The following PRDM16 variants were observed in gnomAD, a reference collection of about 807,000 sequenced individuals.
The protein encoded by PRDM16 is PR/SET domain 16.
Under a neutral mutation model 110.6 loss-of-function variants are expected in PRDM16, and 23 were observed. The ratio of observed to expected loss-of-function variants is 0.21; its 90% CI spans 0.15 to 0.29. The LOEUF (loss-of-function observed/expected upper bound fraction) is 0.29, where lower values mean the gene tolerates loss of function less well. Ranked by LOEUF, PRDM16 falls within the 10% of genes least tolerant of loss-of-function variation. PRDM16 has a pLI of 1.00. For missense variants in PRDM16, 1,615 were observed against 1,794.3 expected (o/e 0.90, Z 1.81); for synonymous variants, 799 against 781.8 (o/e 1.02, Z -0.37).
rs12076855 is a variant in PRDM16, at chr1:3,353,146, A to C, written c.439-32006A>C. ...CCCCAGCCCAGACTCCCACGCAGGGACGTCCCTCACAGCAGGATTTGCTGC... is the reference window on the plus strand; with the variant it reads ...CCCCAGCCCAGACTCCCACGCAGGGCCGTCCCTCACAGCAGGATTTGCTGC... On this transcript the variant is annotated intron_variant, in intron 3 of 16. Coordinates refer to ENST00000270722, the MANE Select transcript of PRDM16 (RefSeq NM_022114.4). The surrounding 1 kb of genome is among the most constrained non-coding windows in gnomAD (Gnocchi z 5.4). Among the ~76,000 whole-genome samples, 18,630 of 152,254 alleles carry C rather than the reference A, an allele frequency of 0.12. 2,842 individuals are homozygous for C. Among genetic ancestry groups the C allele is most frequent in the African/African-American group, 0.36 (14,989 of 41,526 alleles).
intron 4 of PRDM16, among the ~76,000 whole-genome samples, chr1:3,389,671 G>A (rs747457171): frequency 6.6e-6 from 1 of 152,230 alleles, no homozygotes; most frequent in African/African-American, 2.4e-5. Context: ...CCCAGATCAC[G>A]GCCAAGGGCA....
chr1:3,269,736 G>A (rs1640388834), intron 3 of PRDM16, among the ~76,000 whole-genome samples: 2 of 151,128 alleles, frequency 1.3e-5, no homozygotes. Flanking sequence ...ACAGTTGGGA[G>A]GACAGTCAGG....
At position 3,387,459 on chromosome 1, in the gene PRDM16, G is replaced by A. The variant is rs559803155; in HGVS notation, c.573+2173G>A. On this transcript the variant is annotated intron_variant, in intron 4 of 16. Coordinates refer to ENST00000270722, the MANE Select transcript of PRDM16 (RefSeq NM_022114.4). ...AAAGCAGAGAGAAATTCCTCCACTCGGGGCACTTCCGACCCCCTCAACCCC... is the reference window on the plus strand; with the variant it reads ...AAAGCAGAGAGAAATTCCTCCACTCAGGGCACTTCCGACCCCCTCAACCCC... Among the ~76,000 whole-genome samples, 11 of 152,306 alleles carry A rather than the reference G, an allele frequency of 7.2e-5. No homozygotes were observed. In the East Asian group the frequency reaches 1.5e-3, roughly 21 times the overall value.
chr1:3,355,239 G>T (rs760366566), intron 3 of PRDM16, among the ~76,000 whole-genome samples: 2 of 152,176 alleles, frequency 1.3e-5, no homozygotes, highest in African/African-American at 2.4e-5. Context: ...CTGGCAGGAG[G>T]GGGAGGGAGA....
chr1:3,338,674 C>G (rs574490399), intron 3 of PRDM16, among the ~76,000 whole-genome samples: 23 of 152,314 alleles, frequency 1.5e-4, no homozygotes, highest in Non-Finnish European at 2.6e-4. Flanking sequence ...ATGAGGGCTG[C>G]TTGGCTGGCT....
Position 3,265,412 on chromosome 1 carries a change from T to C in PRDM16, c.438+21275T>C, listed in dbSNP as rs1640263668. 6.6e-6 allele frequency among the ~76,000 whole-genome samples: 1 copy of C among 151,558 alleles called. No homozygotes were observed. Among genetic ancestry groups the C allele is most frequent in the Non-Finnish European group, 1.5e-5 (1 of 67,854 alleles). ...CCTGAGACTGATGATGTGAAGGGCC[T>C]AGTAGGGGCTGAGGTCCTGTCCCAG... On this transcript the variant is annotated intron_variant, in intron 3 of 16. Transcript: ENST00000270722. This position sits in a 1 kb window ranked among gnomAD's most constrained non-coding sequence, Gnocchi z 4.5.
At chr1:3,414,464 G>A in intron 9 of PRDM16, 96 bp from the exon 10 acceptor site, 1 of 861,508 alleles carries the variant, frequency 1.2e-6, no homozygotes. Flanking sequence ...GACTGGCCAG[G>A]TATATGGTCA....
At chr1:3,219,551 A>G (rs1364672280) in intron 2 of PRDM16, among the ~76,000 whole-genome samples, 3 of 152,156 alleles carry the variant, frequency 2.0e-5, no homozygotes, top group Non-Finnish European at 4.4e-5. Flanking sequence ...GGGAACAGAG[A>G]GAGTCAGAAG....
chr1:3,232,371 G>A (rs964123455), intron 2 of PRDM16, among the ~76,000 whole-genome samples: 2 of 152,230 alleles, frequency 1.3e-5, no homozygotes, highest in Non-Finnish European at 1.5e-5. Context: ...ATTCTCAGGT[G>A]TAAATGGGGA....
At position 3,200,622 on chromosome 1, in the gene PRDM16, G is replaced by A. The variant is rs529798093; in HGVS notation, c.387+14148G>A. Among the ~76,000 whole-genome samples, 323 of 152,334 alleles carry A rather than the reference G, an allele frequency of 2.1e-3. 1 individual carries two copies. Among genetic ancestry groups the A allele is most frequent in the Middle Eastern group, 0.01 (3 of 294 alleles). On this transcript the variant is annotated intron_variant, in intron 2 of 16. Coordinates refer to ENST00000270722, the MANE Select transcript of PRDM16 (RefSeq NM_022114.4). ...CTCCCGAAGTGCTGGGATTACAGGC[G>A]TGAGCCACCGCGCCCAGCCTAAGGT...
rs142105971 is a variant in PRDM16 at position 3,179,043 on chromosome 1, C to T, written c.38-7082C>T. Among the ~76,000 whole-genome samples the T allele has an allele frequency of 2.5e-3, 375 of 152,372 alleles. 3 individuals carry two copies. Among genetic ancestry groups the T allele is most frequent in the African/African-American group, 8.6e-3 (359 of 41,586 alleles). On this transcript the variant is annotated intron_variant, in intron 1 of 16. Coordinates refer to ENST00000270722, the MANE Select transcript of PRDM16 (RefSeq NM_022114.4). ...GGGTGACCCGATGCTGCACCTTTCA[C>T]GGGCCTTGAGGCCTGATGTTACTGT... is the stretch of plus-strand genomic sequence containing the variant.
intron 1 of PRDM16, among the ~76,000 whole-genome samples, chr1:3,104,470 T>A (rs1570254503): frequency 6.8e-6 from 1 of 147,082 alleles, no homozygotes; most frequent in Non-Finnish European, 1.5e-5. Context: ...GAGGACAGGG[T>A]GCTGAGTCAG....
rs143851754 is a variant in PRDM16 at position 3,336,295 on chromosome 1, C to T, written c.439-48857C>T. Among the ~76,000 whole-genome samples the T allele has an allele frequency of 3.4e-4, 52 of 152,232 alleles. No individual in the cohort carries two copies. The East Asian group carries it at 7.5e-3, about 22-fold the overall frequency. On this transcript the variant is annotated intron_variant, in intron 3 of 16. Coordinates refer to ENST00000270722, the MANE Select transcript of PRDM16 (RefSeq NM_022114.4). ...GCATGTTTATCTCTGTGTATGAGCA[C>T]GTGTGTGTCTGTGGCTGTTTGTGTA...
At chr1:3,242,515 T>TC (rs1439048503) in intron 2 of PRDM16, among the ~76,000 whole-genome samples, 2 of 152,112 alleles carry the variant, frequency 1.3e-5, no homozygotes, top group East Asian at 3.9e-4. Flanking sequence ...CCTGAGCAGC[T>TC]CCTCGAGCTC....
Position 3,411,492 on chromosome 1 carries a change from T to G in PRDM16, c.1295T>G (p.Phe432Cys). Residue 432 changes from phenylalanine (F) to cysteine (C), a missense_variant, in exon 9 of 17, where the codon TTC (phenylalanine) becomes TGC (cysteine). By Grantham distance (205) the Phe-to-Cys change is radical (BLOSUM62 -2). Coordinates refer to ENST00000270722, the MANE Select transcript of PRDM16 (RefSeq NM_022114.4). ...QIKCKDCGQM[F>C]STTSSLNKHR... ...AAGTGCAAGGACTGTGGCCAGATGT[T>G]CAGCACTACCTCCTCCCTCAACAAG... 1 of 1,614,156 alleles carries G rather than the reference T, an allele frequency of 6.2e-7. No homozygotes were observed. Among genetic ancestry groups the G allele is most frequent in the Non-Finnish European group, 8.5e-7 (1 of 1,180,020 alleles).
intron 6 of PRDM16, among the ~76,000 whole-genome samples, chr1:3,403,859 G>A (rs181250975): frequency 1.9e-4 from 29 of 152,178 alleles, no homozygotes; most frequent in African/African-American, 5.8e-4. Flanking sequence ...GTGATTGCTG[G>A]GGATTACCGC....
intron 14 of PRDM16, among the ~76,000 whole-genome samples, chr1:3,430,441 G>A (rs1638733695): frequency 6.6e-6 from 1 of 152,218 alleles, no homozygotes; most frequent in Non-Finnish European, 1.5e-5. Context: ...TCTCGGGCCA[G>A]TGCCCACGTC....
At position 3,417,887 on chromosome 1, in the gene PRDM16, C is replaced by T. The variant is rs1403282532; in HGVS notation, c.2751C>T (p.Asp917=). Residue 917 remains aspartate (D), a synonymous_variant, in exon 11 of 17, where the codon GAC becomes GAT. Coordinates refer to ENST00000270722, the MANE Select transcript of PRDM16 (RefSeq NM_022114.4). ...KLESFAAMKA[D]SGSSLQPLPH... The stretch of plus-strand genomic sequence containing the variant: ...AGAGCTTTGCAGCCATGAAGGCGGA[C>T]TCGGGCAGCTCCCTGCAGCCCCTCC... 2 of 1,613,574 alleles carry T rather than the reference C, an allele frequency of 1.2e-6. No homozygotes were observed. Among genetic ancestry groups the T allele is most frequent in the Admixed American group, 1.7e-5 (1 of 60,006 alleles).
chr1:3,188,233 G>A (rs542570406), intron 2 of PRDM16, among the ~76,000 whole-genome samples: 35 of 152,346 alleles, frequency 2.3e-4, no homozygotes, highest in Middle Eastern at 3.4e-3. Context: ...GTGTTTGTCC[G>A]TCACACTTAG....
Sources: gnomAD v4.1 joint callset for allele counts (sites outside exome capture counted in the v4.1 genomes callset) on GRCh38, gnomAD v4.1.1 for gene constraint, Gnocchi (gnomAD v3.1) non-coding constraint, MANE v1.5 for transcripts, NCBI Gene and HGNC (gene_info 2026-07-23, HGNC 2026-07-21) for gene names.